Variants in ZSCAN5A observed in about 807,000 individuals in gnomAD.
The protein encoded by ZSCAN5A is zinc finger and SCAN domain containing 5A.
In ZSCAN5A, 12 loss-of-function variants were observed where a neutral mutation model predicts 23.7. The ratio of observed to expected loss-of-function variants is 0.51; its 90% confidence interval spans 0.32 to 0.82. The LOEUF (loss-of-function observed/expected upper bound fraction) is 0.82, where lower values mean the gene tolerates loss of function less well. ZSCAN5A is among the 40% of genes least tolerant of loss of function. The pLI is 0.03. For missense variants in ZSCAN5A, 597 were observed against 617.9 expected (o/e 0.97, Z 0.36); for synonymous variants, 257 against 239.9 (o/e 1.07, Z -0.66).
At chr19:56,299,969 G>A (rs1043729594) in intron 2 of ZSCAN5A, 3 of 152,122 alleles carry the variant, frequency 2.0e-5, no homozygotes, top group African/African-American at 7.2e-5. Context: ...AGCCAGGCAA[G>A]AGAAAGGTAA....
At chr19:56,263,666 A>G (rs2037270796) in intron 2 of ZSCAN5A, 1 of 152,334 alleles carries the variant, frequency 6.6e-6, no homozygotes, top group East Asian at 1.9e-4. Flanking sequence ...TCCTCTTTCT[A>G]CTTCTACCTA....
chr19:56,222,832 T>C, intron 4 of ZSCAN5A, 91 bp from the exon 5 acceptor site: 2 of 1,566,982 alleles, frequency 1.3e-6, no homozygotes, highest in Non-Finnish European at 1.7e-6. Context: ...ATGCAACAAC[T>C]CTTCTAATGA....
chr19:56,231,996 C>CTTTTCTTTTTT lies in ZSCAN5A; in HGVS notation c.-127-6824_-127-6823insAAAAAAGAAAA, dbSNP rs1555793341. Among the ~76,000 whole-genome samples the CTTTTCTTTTTT allele has an allele frequency of 8.1e-4, 101 of 124,976 alleles. 4 individuals carry two copies. The highest frequency in any genetic ancestry group is 9.8e-3 in the Middle Eastern group (2 of 204). 82.0% of individuals were successfully genotyped at this position (124,976 alleles called of 152,430 possible). ...TCTTTTTTCTTTCTTTTTTTCTTTT[C>CTTTTCTTTTTT]TTTTTTTTTGAGACAGTGTCTTGCT... On this transcript the variant is annotated intron_variant, in intron 2 of 5. Transcript: ENST00000683990.
chr19:56,357,642 T>C lies in ZSCAN5A; in HGVS notation c.-358+5593A>G, dbSNP rs376611187. On this transcript the variant is annotated intron_variant, in intron 2 of 6. Transcript: ENST00000587340. Reference sequence around the variant, plus strand: ...GATAAAAAAATTTGACAAGTGCTCTTCAAAACTACAAAAACACCCTGAAGT... The same window carrying C: ...GATAAAAAAATTTGACAAGTGCTCTCCAAAACTACAAAAACACCCTGAAGT... 8.3e-4 allele frequency among the ~76,000 whole-genome samples: 122 copies of C among 147,682 alleles called. 13 individuals carry two copies. Among genetic ancestry groups the C allele is most frequent in the African/African-American group, 3.0e-3 (115 of 38,978 alleles).
chr19:56,288,419 TC>T (rs2039282355), intron 2 of ZSCAN5A, among the ~76,000 whole-genome samples: 1 of 152,084 alleles, frequency 6.6e-6, no homozygotes, highest in South Asian at 2.1e-4. Context: ...TCAAGATGCC[TC>T]CCCTGGTGTC....
chr19:56,230,729 A>C (rs940152203), intron 2 of ZSCAN5A, among the ~76,000 whole-genome samples: 3 of 152,050 alleles, frequency 2.0e-5, no homozygotes. Context: ...CTTACAATGA[A>C]GTTACATCCT....
In ZSCAN5A at chr19:56,321,647, C is replaced by T. The variant is rs2041377323; in HGVS notation, c.-357-5379G>A. 3.5e-5 allele frequency: 33 copies of T among 951,200 alleles called. No homozygotes were observed. In the South Asian group the frequency reaches 3.6e-4, roughly 10 times the overall value. 58.9% of individuals were successfully genotyped at this position (951,200 alleles called of 1,614,324 possible). On this transcript the variant is annotated intron_variant, in intron 2 of 6. Transcript: ENST00000587340. ...AAGGTTCATCCATGCATCGTTATGT[C>T]GTCCATCATAGTAGACAATTCCTCC...
chr19:56,358,281 C>G (rs922469871), intron 2 of ZSCAN5A, among the ~76,000 whole-genome samples: 2 of 148,174 alleles, frequency 1.3e-5, no homozygotes, highest in Non-Finnish European at 3.0e-5. Context: ...CTACCATACC[C>G]GTCTAATTTT....
At chr19:56,317,817 G>A (rs2041333338), upstream of ZSCAN5A, 1 of 152,426 alleles carries the variant, frequency 6.6e-6, no homozygotes, top group Non-Finnish European at 1.5e-5. Context: ...GACTATGGGA[G>A]TGTTTTGGTG....
intron 2 of ZSCAN5A, chr19:56,296,318 T>C (rs2039871050): frequency 6.6e-6 from 1 of 152,222 alleles, no homozygotes; most frequent in African/African-American, 2.4e-5. Flanking sequence ...TCGCGTTGTA[T>C]GCCCCTGTCC....
intron 2 of ZSCAN5A, among the ~76,000 whole-genome samples, chr19:56,234,508 C>T (rs1373332039): frequency 1.3e-5 from 2 of 151,522 alleles, no homozygotes; most frequent in East Asian, 3.9e-4. Context: ...AAAAAAAAAA[C>T]AACAAGGAAG....
rs1192920476 is a variant in ZSCAN5A at position 56,245,983 on chromosome 19, G to C, written c.-127-20810C>G. Among the ~76,000 whole-genome samples, 63 of 152,252 alleles carry C rather than the reference G, an allele frequency of 4.1e-4. 1 individual carries two copies. The highest frequency in any genetic ancestry group is 3.3e-3 in the Admixed American group (51 of 15,280). On this transcript the variant is annotated intron_variant, in intron 2 of 5. Transcript: ENST00000683990. The stretch of plus-strand genomic sequence containing the variant: ...AGCCCCAATGCCAGTGGTGCCAGGG[G>C]TTAGGGGCCTCCACCTAGAGTCATG...
chr19:56,256,962 A>G (rs539070276), intron 2 of ZSCAN5A, among the ~76,000 whole-genome samples: 33 of 151,920 alleles, frequency 2.2e-4, no homozygotes, highest in African/African-American at 7.0e-4. Flanking sequence ...CAAGATGAGG[A>G]GCTGGTGGGA....
chr19:56,293,023 C>T (rs2039621728), intron 2 of ZSCAN5A, among the ~76,000 whole-genome samples: 1 of 152,166 alleles, frequency 6.6e-6, no homozygotes, highest in Non-Finnish European at 1.5e-5. Context: ...TTCTTTTGGT[C>T]CACATTCAAA....
intron 2 of ZSCAN5A, among the ~76,000 whole-genome samples, chr19:56,346,401 C>G (rs557714330): frequency 1.3e-5 from 2 of 152,184 alleles, no homozygotes; most frequent in Admixed American, 1.3e-4. Flanking sequence ...GAAGCCTGCT[C>G]TCTACCATTA....
intron 2 of ZSCAN5A, among the ~76,000 whole-genome samples, chr19:56,327,397 G>A (rs2041444432): frequency 6.6e-6 from 1 of 151,620 alleles, no homozygotes; most frequent in Non-Finnish European, 1.5e-5. Context: ...TTACAAGTGT[G>A]AGCCATAGCA....
intron 2 of ZSCAN5A, among the ~76,000 whole-genome samples, chr19:56,307,620 G>A (rs373531953): frequency 8.5e-5 from 13 of 152,120 alleles, no homozygotes; most frequent in African/African-American, 3.1e-4. Context: ...TGTTCATACG[G>A]AGAAAAATCT....
intron 2 of ZSCAN5A, 41 bp from the exon 3 acceptor site, chr19:56,225,214 A>G: frequency 7.1e-7 from 1 of 1,403,728 alleles, no homozygotes; most frequent in South Asian, 1.7e-5. Flanking sequence ...TTAAGTTACT[A>G]CTCCATCCAT....
chr19:56,365,942 A>C (rs1226948129), intron 1 of ZSCAN5A: 1 of 152,292 alleles, frequency 6.6e-6, no homozygotes, highest in Non-Finnish European at 1.5e-5. Context: ...AAAAGTCCCC[A>C]GCTGGTTCTG....
Sources: allele counts gnomAD v4.1 joint callset (sites outside exome capture counted in the v4.1 genomes callset), GRCh38; gene constraint gnomAD v4.1.1; transcripts MANE v1.5; gene names NCBI Gene and HGNC (gene_info 2026-07-23, HGNC 2026-07-21).